The following PACSIN2 variants were observed in gnomAD, a reference collection of about 807,000 sequenced individuals.
PACSIN2 encodes the protein protein kinase C and casein kinase substrate in neurons protein 2.
In PACSIN2, 25 loss-of-function variants were observed where a neutral mutation model predicts 63.8. That is an observed-to-expected ratio of 0.39 (90% confidence interval 0.29 to 0.55). The LOEUF (loss-of-function observed/expected upper bound fraction) is 0.55, where lower values mean the gene tolerates loss of function less well. PACSIN2 is among the 20% of genes least tolerant of loss of function. PACSIN2 has a pLI of 0.62. For synonymous variants in PACSIN2, 255 were observed against 256.2 expected, an observed-to-expected ratio of 1.00 and a Z score of 0.05; for missense variants, 518 against 646.9, an observed-to-expected ratio of 0.80 and a Z score of 2.16.
In PACSIN2 at chr22:42,888,900, G is replaced by A. The variant is rs766427950; in HGVS notation, c.454-102C>T. On this transcript the variant is annotated intron_variant, in intron 4 of 10. Coordinates refer to ENST00000263246, the MANE Select transcript of PACSIN2 (RefSeq NM_001184970.3). ...GAATGCTTGTGCTACCAAGAGGGGA[G>A]AAAAAGGCAGGTACAAAATTGTATG... The A allele has an allele frequency of 4.2e-6, 5 of 1,182,360 alleles. No individual in the cohort carries two copies. The Admixed American group carries it at 5.7e-5, about 14-fold the overall frequency. 73.2% of individuals were successfully genotyped at this position (1,182,360 alleles called of 1,614,324 possible).
intron 6 of PACSIN2, among the ~76,000 whole-genome samples, chr22:42,883,878 C>T (rs1383345499): frequency 6.6e-6 from 1 of 152,196 alleles, no homozygotes; most frequent in African/African-American, 2.4e-5. Context: ...GTGGCGCATG[C>T]CTGTAATCCC....
chr22:42,924,423 C>A (rs1239450787), intron 1 of PACSIN2, among the ~76,000 whole-genome samples: 1 of 152,216 alleles, frequency 6.6e-6, no homozygotes, highest in African/African-American at 2.4e-5. Flanking sequence ...TTTCTCAATG[C>A]ATGATATATT....
chr22:42,953,086 G>A (rs1172854670), intron 1 of PACSIN2, among the ~76,000 whole-genome samples: 3 of 151,968 alleles, frequency 2.0e-5, no homozygotes, highest in African/African-American at 4.8e-5. Flanking sequence ...AGCATTAGCT[G>A]TATAAAAGAC....
In PACSIN2 at chr22:43,000,308, T is replaced by C. The variant is rs923014937; in HGVS notation, c.-78+14713A>G. Among the ~76,000 whole-genome samples, 3 of 152,314 alleles carry C rather than the reference T, an allele frequency of 2.0e-5. No homozygotes were observed. In the South Asian group the frequency reaches 6.2e-4, roughly 32 times the overall value. On this transcript the variant is annotated intron_variant, in intron 1 of 10. Coordinates refer to ENST00000263246, the MANE Select transcript of PACSIN2 (RefSeq NM_001184970.3). ...AGTGGGTAGCAGGGCTTTGCAGCCT[T>C]TGTGGGGACTGGTAATTTGCCAACT...
intron 1 of PACSIN2, among the ~76,000 whole-genome samples, chr22:43,005,376 T>C (rs920061487): frequency 3.9e-5 from 6 of 152,190 alleles, no homozygotes; most frequent in Non-Finnish European, 7.3e-5. Flanking sequence ...GCAAGGCCTC[T>C]CTGCATGGCA....
chr22:42,894,397 C>T (rs1398535774), intron 2 of PACSIN2, among the ~76,000 whole-genome samples: 2 of 152,190 alleles, frequency 1.3e-5, no homozygotes, highest in Admixed American at 6.5e-5. Context: ...CGCATGCCAT[C>T]ACACCCAGCT....
Position 42,876,312 on chromosome 22 carries a change from G to C in PACSIN2, c.1173C>G (p.Thr391=), listed in dbSNP as rs866005840. The change falls in exon 10 of 11, where the codon ACC becomes ACG. Residue 391 remains threonine (T), a synonymous_variant. Coordinates refer to ENST00000263246, the MANE Select transcript of PACSIN2 (RefSeq NM_001184970.3). ...KAKNVSSYEK[T]QSYPTDWSDD... ...CTGACCAGTCGGTGGGATAGCTCTGGGTCTTCTCGTAGCTGCTCACACTGC... is the reference window on the plus strand; with the variant it reads ...CTGACCAGTCGGTGGGATAGCTCTGCGTCTTCTCGTAGCTGCTCACACTGC... 3.7e-6 allele frequency: 6 copies of C among 1,614,106 alleles called. No individual in the cohort carries two copies. In the Middle Eastern group the frequency reaches 4.9e-4, roughly 133 times the overall value.
At chr22:42,981,890 C>T (rs1922184935) in intron 1 of PACSIN2, among the ~76,000 whole-genome samples, 2 of 101,412 alleles carry the variant, frequency 2.0e-5, no homozygotes, top group Non-Finnish European at 4.3e-5. Context: ...CAGCCCCCCG[C>T]CTGGCCAGCC....
chr22:42,985,118 C>A (rs1450103150), intron 1 of PACSIN2, among the ~76,000 whole-genome samples: 1 of 152,194 alleles, frequency 6.6e-6, no homozygotes, highest in Non-Finnish European at 1.5e-5. Flanking sequence ...CACTTGAGGT[C>A]AGGGGTTCAA....
intron 1 of PACSIN2, among the ~76,000 whole-genome samples, chr22:42,960,149 C>CAA (rs948556263): frequency 2.0e-5 from 3 of 152,194 alleles, no homozygotes; most frequent in African/African-American, 7.2e-5. Context: ...AAATTATATA[C>CAA]AAACTAACTT....
At chr22:42,924,759 C>CT (rs112807995) in intron 1 of PACSIN2, among the ~76,000 whole-genome samples, 240 of 142,410 alleles carry the variant, frequency 1.7e-3, no homozygotes, top group Admixed American at 2.1e-3. Context: ...GGTTTTTTTT[C>CT]TTTTTTTTTT....
intron 10 of PACSIN2, among the ~76,000 whole-genome samples, 191 bp downstream of exon 10, chr22:42,875,946 T>C (rs1928580207): frequency 6.6e-6 from 1 of 152,222 alleles, no homozygotes. Flanking sequence ...GCTCTGGGAC[T>C]ATAGGCATGA....
At chr22:42,982,887 A>AAAAAAAAAAAAAAAAAAAAAAAAC (rs200348918) in intron 1 of PACSIN2, among the ~76,000 whole-genome samples, 7 of 129,490 alleles carry the variant, frequency 5.4e-5, no homozygotes, top group Non-Finnish European at 1.0e-4. Context: ...AAAAAAAAAA[A>AAAAAAAAAAAAAAAAAAAAAAAAC]AAACAACAAC....
intron 2 of PACSIN2, among the ~76,000 whole-genome samples, chr22:42,900,779 T>G (rs955395434): frequency 2.6e-5 from 4 of 152,198 alleles, no homozygotes; most frequent in South Asian, 2.1e-4. Context: ...CGACCTAGTG[T>G]CCCTATTTTA....
At chr22:42,901,154 C>A (rs747125771) in intron 2 of PACSIN2, among the ~76,000 whole-genome samples, 2 of 152,134 alleles carry the variant, frequency 1.3e-5, no homozygotes, top group Admixed American at 6.5e-5. Flanking sequence ...GCACCACAAC[C>A]GCTCCCTCTG....
At chr22:43,014,367 ACCCC>A (rs1160186769) in intron 1 of PACSIN2, among the ~76,000 whole-genome samples, 2 of 9,488 alleles carry the variant, frequency 2.1e-4, no homozygotes, top group African/African-American at 5.4e-4. Context: ...CACACACACC[ACCCC>A]CCCCCCCCCG....
In PACSIN2 at chr22:42,871,497, A is replaced by G; in HGVS notation, c.1349-28T>C. 6.5e-7 allele frequency: 1 copy of G among 1,531,066 alleles called. No individual in the cohort carries two copies. The highest frequency in any genetic ancestry group is 1.4e-5 in the African/African-American group (1 of 73,478). The allele number at this position is 1,531,066 out of a possible 1,614,324, so 94.8% of individuals were successfully genotyped here. A position where few individuals can be genotyped will look rare whatever the true frequency, so the allele number is the denominator to read the frequency against. ...GCAAGACAAAGAGGGAGCCGTCTCC[A>G]TGAGAGGTATGACACCGACGGTGGG... On this transcript the variant is annotated intron_variant, in intron 10 of 10. Transcript: ENST00000263246. This position sits in a 1 kb window ranked among gnomAD's most constrained non-coding sequence, Gnocchi z 5.4.
chr22:42,959,258 T>C (rs940430442), intron 1 of PACSIN2, among the ~76,000 whole-genome samples: 5 of 152,222 alleles, frequency 3.3e-5, no homozygotes, highest in Non-Finnish European at 4.4e-5. Context: ...GTCCCACTTA[T>C]GTGTTTGTAG....
intron 7 of PACSIN2, 113 bp from the exon 8 acceptor site, chr22:42,879,282 G>A (rs996165558): frequency 8.9e-6 from 10 of 1,127,716 alleles, no homozygotes; most frequent in Non-Finnish European, 1.2e-5. Context: ...CATCTGATGT[G>A]TAGACTCAGG....
Sources: gnomAD v4.1 joint callset for allele counts (sites outside exome capture counted in the v4.1 genomes callset) on GRCh38, gnomAD v4.1.1 for gene constraint, Gnocchi (gnomAD v3.1) non-coding constraint, MANE v1.5 for transcripts, NCBI Gene and HGNC (gene_info 2026-07-23, HGNC 2026-07-21) for gene names.